Variants in NCF2 observed in about 807,000 individuals in gnomAD.
NCF2 encodes the protein neutrophil cytosolic factor 2, also known as neutrophil cytosol factor 2.
Under a neutral mutation model 70.9 loss-of-function variants are expected in NCF2, and 45 were observed. The observed-to-expected ratio is 0.63, with a 90% CI of 0.50 to 0.81. The LOEUF is 0.81. Ranked by LOEUF, NCF2 falls within the 40% of genes least tolerant of loss-of-function variation. The pLI, the probability that NCF2 is intolerant of heterozygous loss-of-function variation, is 0.00. For synonymous variants in NCF2, 203 were observed against 233.6 expected (o/e 0.87, Z 1.19); for missense variants, 522 against 631.6 (o/e 0.83, Z 1.86).
At chr1:183,586,030 ATC>A (rs1404778360) in intron 2 of NCF2, among the ~76,000 whole-genome samples, 1 of 152,212 alleles carries the variant, frequency 6.6e-6, no homozygotes, top group African/African-American at 2.4e-5. Flanking sequence ...CTGTTTTGAA[ATC>A]TGTTTTTAAA....
At chr1:183,601,105 C>A in the NCF2 span, among the ~76,000 whole-genome samples, 1 of 152,178 alleles carries the variant, frequency 6.6e-6, no homozygotes, top group Non-Finnish European at 1.5e-5. Context: ...TCTTCCTGCC[C>A]ATCAGAAACC....
the NCF2 span, among the ~76,000 whole-genome samples, chr1:183,597,271 T>G: frequency 1.8e-4 from 27 of 152,318 alleles, no homozygotes; most frequent in East Asian, 5.2e-3. Flanking sequence ...TGGGTCTTTT[T>G]CTTTAGGAAG....
chr1:183,586,063 G>A (rs190562314), intron 2 of NCF2, among the ~76,000 whole-genome samples: 216 of 152,326 alleles, frequency 1.4e-3, no homozygotes, highest in Non-Finnish European at 2.3e-3. Context: ...GGCTGGGCGT[G>A]GTGGCACATG....
the NCF2 span, among the ~76,000 whole-genome samples, chr1:183,597,241 T>C: frequency 6.6e-6 from 1 of 152,206 alleles, no homozygotes; most frequent in Non-Finnish European, 1.5e-5. Context: ...GGATCTCTTT[T>C]ACATGTGTTC....
chr1:183,579,576 TA>T (rs1326678525), intron 2 of NCF2, among the ~76,000 whole-genome samples: 3 of 150,592 alleles, frequency 2.0e-5, no homozygotes, highest in African/African-American at 7.3e-5. Flanking sequence ...AATAAAAAAA[TA>T]AAAAAATAAA....
intron 13 of NCF2, among the ~76,000 whole-genome samples, chr1:183,561,779 C>CTTTTTTTTTTTTTT (rs57218247): frequency 1.5e-5 from 1 of 65,162 alleles, no homozygotes; most frequent in Non-Finnish European, 2.7e-5. Context: ...TACCAGGCCT[C>CTTTTTTTTTTTTTT]TTTTTTTTTT....
chr1:183,590,118 T>C, intron 1 of NCF2, 38 bp downstream of exon 1: 1 of 1,613,422 alleles, frequency 6.2e-7, no homozygotes, highest in Non-Finnish European at 8.5e-7. Flanking sequence ...TAATAACAAA[T>C]GCACAGAGGA....
At chr1:183,577,137 T>C (rs1245918560) in intron 3 of NCF2, among the ~76,000 whole-genome samples, 1 of 152,226 alleles carries the variant, frequency 6.6e-6, no homozygotes, top group Non-Finnish European at 1.5e-5. Flanking sequence ...CCATGGATAG[T>C]AAAGAGTGTG....
chr1:183,599,423 C>CTTCTTTCTTTCCTTCT, the NCF2 span, among the ~76,000 whole-genome samples: 2 of 107,426 alleles, frequency 1.9e-5, no homozygotes, highest in Admixed American at 1.0e-4. Context: ...TCTTTCTTTC[C>CTTCTTTCTTTCCTTCT]TTCTTTCTTT....
intron 1 of NCF2, among the ~76,000 whole-genome samples, chr1:183,589,896 T>G (rs1053280828): frequency 1.3e-5 from 2 of 152,080 alleles, no homozygotes; most frequent in African/African-American, 2.4e-5. Flanking sequence ...TTAAAGACAC[T>G]TGTAGAATGA....
chr1:183,599,419 T>TTTCC, the NCF2 span, among the ~76,000 whole-genome samples: 121 of 131,808 alleles, frequency 9.2e-4, 2 homozygotes, highest in African/African-American at 1.8e-3. Context: ...TCTTTCTTTC[T>TTTCC]TTCCTTCTTT....
At chr1:183,581,315 A>AAAAG (rs140116475) in intron 2 of NCF2, among the ~76,000 whole-genome samples, 15,358 of 142,472 alleles carry the variant, frequency 0.11, 1,464 homozygotes, top group African/African-American at 0.22. Context: ...AGAAAGAAAG[A>AAAAG]AAAGAAAGTC....
At chr1:183,583,930 G>C (rs1308952568) in intron 2 of NCF2, among the ~76,000 whole-genome samples, 3 of 152,232 alleles carry the variant, frequency 2.0e-5, no homozygotes, top group African/African-American at 7.2e-5. Context: ...GGGGACAAGA[G>C]CAGTGGCTGG....
chr1:183,587,470 T>G (rs977268981), intron 1 of NCF2, among the ~76,000 whole-genome samples: 1 of 151,904 alleles, frequency 6.6e-6, no homozygotes, highest in African/African-American at 2.4e-5. Context: ...GGCACATGCC[T>G]GTGGTCCCAG....
intron 1 of NCF2, among the ~76,000 whole-genome samples, chr1:183,588,791 A>C (rs1385150689): frequency 3.3e-5 from 5 of 152,214 alleles, no homozygotes; most frequent in Non-Finnish European, 7.3e-5. Flanking sequence ...TGCCAGGAGA[A>C]ACAGAGACAT....
the NCF2 span, among the ~76,000 whole-genome samples, chr1:183,599,527 C>CTCTTTCTT: frequency 7.4e-6 from 1 of 136,028 alleles, no homozygotes; most frequent in Non-Finnish European, 1.6e-5. Flanking sequence ...TTCTTTCTCT[C>CTCTTTCTT]TCTTTCTTTC....
Position 183,563,569 on chromosome 1 carries a change from A to C in NCF2, c.1043T>G (p.Val348Gly). 6.2e-7 allele frequency: 1 copy of C among 1,613,692 alleles called. No individual in the cohort carries two copies. ...CACCTTGAGTGTGTAGGGCATGGGA[A>C]CACTGAGCTTCACTTCCTGAGTGGG... ...KEEPKEVKLS[V>G]PMPYTLKVHY... The change falls in exon 12 of 15, where the codon GTT becomes GGT. Residue 348 changes from valine to glycine, a missense_variant. Coordinates refer to ENST00000367535, the MANE Select transcript of NCF2 (RefSeq NM_000433.4).
intron 14 of NCF2, among the ~76,000 whole-genome samples, chr1:183,557,775 T>G (rs1355494278): frequency 6.6e-6 from 1 of 152,196 alleles, no homozygotes; most frequent in Non-Finnish European, 1.5e-5. Context: ...GTTGGTTGAT[T>G]TAGGCACCTT....
chr1:183,558,665 A>G (rs1454112747), intron 14 of NCF2, among the ~76,000 whole-genome samples: 4 of 152,246 alleles, frequency 2.6e-5, no homozygotes, highest in Admixed American at 2.0e-4. Flanking sequence ...CCCGGGTTCA[A>G]GCGATTCTCT....
Sources: gnomAD v4.1 joint callset for allele counts (sites outside exome capture counted in the v4.1 genomes callset) on GRCh38, gnomAD v4.1.1 for gene constraint, MANE v1.5 for transcripts, NCBI Gene and HGNC (gene_info 2026-07-23, HGNC 2026-07-21) for gene names.